Variants in ACACB observed in about 807,000 individuals in gnomAD.
ACACB encodes the protein acetyl-CoA carboxylase 2.
A neutral mutation model predicts 278.8 loss-of-function variants in ACACB; 209 were observed. The ratio of observed to expected loss-of-function variants is 0.75; its 90% CI spans 0.67 to 0.84. ACACB has a LOEUF of 0.84. Ranked by LOEUF, ACACB falls within the 40% of genes least tolerant of loss-of-function variation. The pLI, the probability that ACACB is intolerant of heterozygous loss-of-function variation, is 0.00. For missense variants in ACACB, 2,850 were observed against 3,269.0 expected (o/e 0.87, Z 3.13); for synonymous variants, 1,174 against 1,285.6 (o/e 0.91, Z 1.86).
intron 2 of ACACB, 123 bp downstream of exon 2, chr12:109,140,181 G>T (rs542279585): frequency 3.2e-5 from 32 of 994,478 alleles, no homozygotes; most frequent in Non-Finnish European, 4.2e-5. Context: ...GGGTGGCTAT[G>T]CACAAAAGGA....
intron 22 of ACACB, among the ~76,000 whole-genome samples, chr12:109,215,274 T>G (rs981548925): frequency 2.0e-5 from 3 of 152,062 alleles, no homozygotes; most frequent in Non-Finnish European, 4.4e-5. Flanking sequence ...CCGAAATCTA[T>G]GAAGTTTTTT....
At chr12:109,175,124 C>T (rs1273574827) in intron 7 of ACACB, among the ~76,000 whole-genome samples, 1 of 152,034 alleles carries the variant, frequency 6.6e-6, no homozygotes, top group Admixed American at 6.6e-5. Flanking sequence ...TTTATGTGTG[C>T]ATTTTAATAA....
rs566598516 is a variant in ACACB, at chr12:109,153,563, T to C, written c.654-13298T>C. 1.7e-4 allele frequency among the ~76,000 whole-genome samples: 26 copies of C among 152,356 alleles called. 1 individual carries two copies. The South Asian group carries it at 5.4e-3, about 32-fold the overall frequency. On this transcript the variant is annotated intron_variant, in intron 2 of 52. Coordinates refer to ENST00000338432, the MANE Select transcript of ACACB (RefSeq NM_001093.4). ...ATTTACATTATTTTTGGTTGGTTTG[T>C]TGGCTATGAAAGTAGGCTACCTTTA...
chr12:109,115,018 A>G (rs954884648), upstream of ACACB, among the ~76,000 whole-genome samples: 1 of 152,200 alleles, frequency 6.6e-6, no homozygotes, highest in African/African-American at 2.4e-5. Context: ...TCTGGAAAAT[A>G]CCTGTGTCTT....
intron 1 of ACACB, among the ~76,000 whole-genome samples, chr12:109,133,007 A>G (rs1307141506): frequency 6.6e-6 from 1 of 151,640 alleles, no homozygotes; most frequent in Non-Finnish European, 1.5e-5. Flanking sequence ...TGACTCATCC[A>G]CTCACCTTCT....
intron 4 of ACACB, among the ~76,000 whole-genome samples, chr12:109,169,890 A>G (rs1315829464): frequency 6.6e-6 from 1 of 152,172 alleles, no homozygotes; most frequent in African/African-American, 2.4e-5. Flanking sequence ...TGTTTGATAA[A>G]CATAGGAGGC....
chr12:109,185,467 G>A, intron 11 of ACACB, 112 bp from the exon 12 acceptor site: 1 of 1,160,978 alleles, frequency 8.6e-7, no homozygotes, highest in Non-Finnish European at 1.3e-6. Context: ...AGTAGTGTCT[G>A]TATATCCTAA....
chr12:109,230,455 T>TCAGAACTAGA (rs747329711), intron 28 of ACACB, among the ~76,000 whole-genome samples: 12 of 152,104 alleles, frequency 7.9e-5, no homozygotes, highest in Non-Finnish European at 1.3e-4. Context: ...CAGAGTCTAG[T>TCAGAACTAGA]TCTGTCACCC....
At chr12:109,175,842 TA>T in intron 7 of ACACB, 88 bp from the exon 8 acceptor site, 1 of 1,105,924 alleles carries the variant, frequency 9.0e-7, no homozygotes. Context: ...GGTCTAGCAC[TA>T]TGTCAGCAGG....
At chr12:109,239,792 C>T in intron 34 of ACACB, 38 bp from the exon 35 acceptor site, 1 of 1,574,572 alleles carries the variant, frequency 6.4e-7, no homozygotes, top group Non-Finnish European at 8.6e-7. Context: ...AGGCCTGCAC[C>T]CCTGGCCTGA....
At chr12:109,190,128 GAAA>G (rs1055462109) in intron 13 of ACACB, among the ~76,000 whole-genome samples, 1 of 151,960 alleles carries the variant, frequency 6.6e-6, no homozygotes, top group African/African-American at 2.4e-5. Flanking sequence ...ACAAAAAAAA[GAAA>G]AAAAGAAAGC....
In ACACB at chr12:109,167,926, G is replaced by A. The variant is rs768707560; in HGVS notation, c.817G>A (p.Val273Met). 2.5e-6 allele frequency: 4 copies of A among 1,613,904 alleles called. No individual in the cohort carries two copies. Among genetic ancestry groups the A allele is most frequent in the Non-Finnish European group, 3.4e-6 (4 of 1,179,950 alleles). Reference sequence around the variant, plus strand: ...TATTGCCAACAACGGGATTGCCGCCGTGAAGTGCATGCGCTCCATCCGCAG... The same window carrying A: ...TATTGCCAACAACGGGATTGCCGCCATGAAGTGCATGCGCTCCATCCGCAG... ...VLIANNGIAA[V>M]KCMRSIRRWA... Residue 273 changes from valine (V) to methionine (M), a missense_variant, in exon 4 of 53, where the codon GTG becomes ATG. By Grantham distance (21) the Val-to-Met change is conservative. This residue lies in a region of ACACB where 2,265 missense variants were observed against 2,561.3 expected (regional missense o/e 0.88). Transcript: ENST00000338432.
intron 1 of ACACB, among the ~76,000 whole-genome samples, chr12:109,131,882 C>G (rs1431365263): frequency 6.6e-6 from 1 of 152,166 alleles, no homozygotes; most frequent in Non-Finnish European, 1.5e-5. Context: ...GTGATCGGTG[C>G]TCATTCTTGA....
At chr12:109,122,395 G>C (rs1214850547) in intron 1 of ACACB, among the ~76,000 whole-genome samples, 1 of 151,934 alleles carries the variant, frequency 6.6e-6, no homozygotes, top group Non-Finnish European at 1.5e-5. Context: ...AGGATTGCTT[G>C]AGTCCCTGTC....
intron 34 of ACACB, 27 bp downstream of exon 34, chr12:109,237,407 T>C: frequency 1.3e-6 from 2 of 1,590,860 alleles, no homozygotes; most frequent in East Asian, 2.3e-5. Flanking sequence ...CATTTCTTCC[T>C]CTCTCAGAAC....
chr12:109,234,912 G>C (rs1026758324), intron 31 of ACACB, among the ~76,000 whole-genome samples: 1 of 142,306 alleles, frequency 7.0e-6, no homozygotes, highest in Non-Finnish European at 1.5e-5. Flanking sequence ...CATGTATCCT[G>C]TTTTTTTTTT....
At chr12:109,124,436 A>T (rs916488165) in intron 1 of ACACB, among the ~76,000 whole-genome samples, 2 of 152,198 alleles carry the variant, frequency 1.3e-5, no homozygotes, top group African/African-American at 2.4e-5. Context: ...CCTTAGCAGG[A>T]ATACTTTGAA....
intron 12 of ACACB, among the ~76,000 whole-genome samples, chr12:109,187,783 T>TA (rs1191123127): frequency 3.3e-5 from 5 of 151,684 alleles, no homozygotes; most frequent in African/African-American, 1.2e-4. Flanking sequence ...TTTTTACAGT[T>TA]AAAAAAAATA....
chr12:109,194,511 C>CGTGTGTGTGTGTGTGT (rs529461816), intron 16 of ACACB, among the ~76,000 whole-genome samples: 5 of 54,334 alleles, frequency 9.2e-5, no homozygotes, highest in East Asian at 5.5e-4. Context: ...TCTGTGTGTG[C>CGTGTGTGTGTGTGTGT]ATGTGTGTGT....
Sources: allele counts gnomAD v4.1 joint callset (sites outside exome capture counted in the v4.1 genomes callset), GRCh38; gene constraint gnomAD v4.1.1; regional missense constraint gnomAD v4.1.1; transcripts MANE v1.5; gene names NCBI Gene and HGNC (gene_info 2026-07-23, HGNC 2026-07-21).